HCN1: variants seen among roughly 807,000 people sequenced by gnomAD.
HCN1 encodes the protein potassium/sodium hyperpolarization-activated cyclic nucleotide-gated channel 1.
HCN1 carries 13 observed loss-of-function variants against 78.9 expected under a neutral mutation model. The observed-to-expected ratio is 0.16, with a 90% confidence interval of 0.11 to 0.26. HCN1 has a LOEUF of 0.26. Ranked by LOEUF, HCN1 falls within the 10% of genes least tolerant of loss-of-function variation. HCN1 has a pLI of 1.00. For synonymous variants in HCN1, 552 were observed against 455.5 expected (o/e 1.21, Z -2.70); for missense variants, 810 against 1,154.3 (o/e 0.70, Z 4.32).
chr5:45,439,905 C>T (rs1337828727), intron 3 of HCN1, among the ~76,000 whole-genome samples: 2 of 148,628 alleles, frequency 1.3e-5, no homozygotes, highest in African/African-American at 4.9e-5. Context: ...TAGAATAGTA[C>T]ATAATATACA....
At chr5:45,567,558 TACACAC>T (rs36230541) in intron 2 of HCN1, among the ~76,000 whole-genome samples, 71,983 of 132,880 alleles carry the variant, frequency 0.54, 19,864 homozygotes, top group Non-Finnish European at 0.61. Context: ...CATTTTAGGC[TACACAC>T]ACACACACAC....
At chr5:45,607,284 G>T (rs982914334) in intron 2 of HCN1, among the ~76,000 whole-genome samples, 3 of 151,608 alleles carry the variant, frequency 2.0e-5, no homozygotes, top group Admixed American at 1.3e-4. Flanking sequence ...TTTTTTAAGA[G>T]AATAGAACAA....
chr5:45,335,387 A>G (rs776321442), intron 5 of HCN1, among the ~76,000 whole-genome samples: 2 of 152,080 alleles, frequency 1.3e-5, no homozygotes, highest in Non-Finnish European at 2.9e-5. Context: ...CATTTATAGA[A>G]GTATACATGA....
intron 5 of HCN1, among the ~76,000 whole-genome samples, chr5:45,316,278 T>C (rs1287598195): frequency 3.3e-5 from 5 of 152,196 alleles, no homozygotes; most frequent in Non-Finnish European, 5.9e-5. Context: ...TCAATAAATG[T>C]AATCCAGAAT....
chr5:45,276,094 C>A (rs186134801), intron 6 of HCN1, among the ~76,000 whole-genome samples: 1 of 151,932 alleles, frequency 6.6e-6, no homozygotes, highest in Admixed American at 6.6e-5. Context: ...GAAAAAAACA[C>A]GTGGCAGAAA....
rs372748066 is a variant in HCN1 at position 45,371,412 on chromosome 5, C to G, written c.1231-18166G>C. Reference sequence around the variant, plus strand: ...ACTAATAAAGAAATAAAGAGAAGATCCAAATAAAAATTCAACAATGACAAA... The same window carrying G: ...ACTAATAAAGAAATAAAGAGAAGATGCAAATAAAAATTCAACAATGACAAA... On this transcript the variant is annotated intron_variant, in intron 4 of 7. Transcript: ENST00000303230. Among the ~76,000 whole-genome samples, 9 of 151,716 alleles carry G rather than the reference C, an allele frequency of 5.9e-5. No individual in the cohort carries two copies. The East Asian group carries it at 1.7e-3, about 29-fold the overall frequency.
chr5:45,694,184 A>T lies in HCN1; in HGVS notation c.425+1485T>A, dbSNP rs147613869. Among the ~76,000 whole-genome samples, 866 of 152,204 alleles carry T rather than the reference A, an allele frequency of 5.7e-3. 5 individuals are homozygous for T. The highest frequency in any genetic ancestry group is 8.3e-3 in the Non-Finnish European group (561 of 67,992). ...TTAATATGAACATTTTCTTTTTTTT[A>T]AAATTTTTAATGAACGTTCTTTCAA... On this transcript the variant is annotated intron_variant, in intron 1 of 7. Coordinates refer to ENST00000303230, the MANE Select transcript of HCN1 (RefSeq NM_021072.4).
chr5:45,527,795 A>AT (rs1008366143), intron 2 of HCN1, among the ~76,000 whole-genome samples: 22 of 151,762 alleles, frequency 1.4e-4, no homozygotes, highest in African/African-American at 4.4e-4. Context: ...TGTTGTATTA[A>AT]TTTTTTTATA....
At chr5:45,282,918 A>AT (rs1745196808) in intron 6 of HCN1, among the ~76,000 whole-genome samples, 2 of 152,142 alleles carry the variant, frequency 1.3e-5, no homozygotes. Context: ...ATGTTTGTCT[A>AT]TTTTTTAATC....
At chr5:45,532,629 T>G (rs1312259834) in intron 2 of HCN1, among the ~76,000 whole-genome samples, 1 of 152,150 alleles carries the variant, frequency 6.6e-6, no homozygotes, top group Non-Finnish European at 1.5e-5. Context: ...TAATCAGAGT[T>G]TTATATATGT....
At chr5:45,614,409 C>T (rs1420933239) in intron 2 of HCN1, among the ~76,000 whole-genome samples, 3 of 152,064 alleles carry the variant, frequency 2.0e-5, no homozygotes, top group African/African-American at 7.2e-5. Flanking sequence ...TGAATACAAA[C>T]TAGAGTTCTC....
intron 2 of HCN1, among the ~76,000 whole-genome samples, chr5:45,508,729 T>TA (rs561744364): frequency 2.7e-4 from 41 of 152,212 alleles, no homozygotes; most frequent in South Asian, 6.2e-4. Context: ...AGCTTCCTAA[T>TA]AAAAAAGATT....
intron 4 of HCN1, among the ~76,000 whole-genome samples, chr5:45,374,348 A>G (rs1192451570): frequency 7.1e-6 from 1 of 141,026 alleles, no homozygotes; most frequent in African/African-American, 2.6e-5. Context: ...TATATATATA[A>G]TATACATATC....
At chr5:45,547,969 A>G (rs553350150) in intron 2 of HCN1, among the ~76,000 whole-genome samples, 113 of 152,038 alleles carry the variant, frequency 7.4e-4, no homozygotes, top group African/African-American at 2.5e-3. Flanking sequence ...TCAAATCACT[A>G]TTTGTGTTCT....
intron 4 of HCN1, among the ~76,000 whole-genome samples, chr5:45,364,921 TC>T: frequency 6.6e-6 from 1 of 152,040 alleles, no homozygotes; most frequent in Non-Finnish European, 1.5e-5. Flanking sequence ...CTATTTATTC[TC>T]CTATAACATC....
intron 5 of HCN1, among the ~76,000 whole-genome samples, chr5:45,336,798 T>C (rs1402016311): frequency 6.6e-6 from 1 of 151,952 alleles, no homozygotes; most frequent in Non-Finnish European, 1.5e-5. Context: ...TCATAGACAG[T>C]GAGCTTTTTG....
intron 4 of HCN1, among the ~76,000 whole-genome samples, chr5:45,373,612 C>G (rs1045849298): frequency 8.4e-4 from 112 of 134,078 alleles, no homozygotes; most frequent in Non-Finnish European, 1.4e-3. Context: ...TATACGTCAT[C>G]TATAATATAT....
rs898231978 is a variant in HCN1 at position 45,351,789 on chromosome 5, C to T, written c.1377+1311G>A. 3.9e-3 allele frequency among the ~76,000 whole-genome samples: 591 copies of T among 151,432 alleles called. 4 individuals carry two copies. Among genetic ancestry groups the T allele is most frequent in the Non-Finnish European group, 5.4e-3 (367 of 67,972 alleles). Reference sequence around the variant, plus strand: ...ACACATGAAAAAATGCTCATCATCACTGGCCATCAGAGAAATGCAAATCAA... The same window carrying T: ...ACACATGAAAAAATGCTCATCATCATTGGCCATCAGAGAAATGCAAATCAA... On this transcript the variant is annotated intron_variant, in intron 5 of 7. Coordinates refer to ENST00000303230, the MANE Select transcript of HCN1 (RefSeq NM_021072.4).
At chr5:45,621,877 T>TTG (rs1369654345) in intron 2 of HCN1, among the ~76,000 whole-genome samples, 2 of 152,134 alleles carry the variant, frequency 1.3e-5, no homozygotes, top group Non-Finnish European at 2.9e-5. Flanking sequence ...TTGAATAACC[T>TTG]AAGCAGAAAA....
Sources: gnomAD v4.1 joint callset for allele counts (sites outside exome capture counted in the v4.1 genomes callset) on GRCh38, gnomAD v4.1.1 for gene constraint, MANE v1.5 for transcripts, NCBI Gene and HGNC (gene_info 2026-07-23, HGNC 2026-07-21) for gene names.